The following ABAT variants were observed in gnomAD, a reference collection of about 807,000 sequenced individuals.
ABAT encodes the protein 4-aminobutyrate aminotransferase, also known as 4-aminobutyrate aminotransferase, mitochondrial.
Under a neutral mutation model 64.6 loss-of-function variants are expected in ABAT, and 45 were observed. The ratio of observed to expected loss-of-function variants is 0.70; its 90% CI spans 0.55 to 0.89. The LOEUF is 0.89. ABAT is among the 40% of genes least tolerant of loss of function. The pLI, the probability that ABAT is intolerant of heterozygous loss-of-function variation, is 0.00. For missense variants in ABAT, 633 were observed against 658.4 expected, an observed-to-expected ratio of 0.96 and a Z score of 0.42; for synonymous variants, 297 against 250.5, an observed-to-expected ratio of 1.19 and a Z score of -1.75.
In ABAT at chr16:8,716,186, C is replaced by A. The variant is rs141394752; in HGVS notation, c.-41-19513C>A. 3.3e-3 allele frequency among the ~76,000 whole-genome samples: 503 copies of A among 152,182 alleles called. 4 individuals are homozygous for A. The highest frequency in any genetic ancestry group is 0.012 in the African/African-American group (486 of 41,526). ...AGGCACAGCTAGTTGTAAGCCCAGG[C>A]CACATTATGCCCCCACCCCCTGTTT... On this transcript the variant is annotated intron_variant, in intron 1 of 15. Transcript: ENST00000268251.
intron 1 of ABAT, among the ~76,000 whole-genome samples, chr16:8,687,058 C>G (rs963427970): frequency 3.9e-5 from 6 of 152,102 alleles, no homozygotes; most frequent in Non-Finnish European, 8.8e-5. Flanking sequence ...ATAGGTGAGC[C>G]AGGTTGGGTC....
At chr16:8,755,909 CGTG>C (rs2059636097) in intron 5 of ABAT, among the ~76,000 whole-genome samples, 2 of 152,018 alleles carry the variant, frequency 1.3e-5, no homozygotes, top group South Asian at 4.1e-4. Flanking sequence ...ATTAGCCAGG[CGTG>C]GTGATGGGCG....
intron 1 of ABAT, among the ~76,000 whole-genome samples, chr16:8,717,741 G>A (rs1209297334): frequency 2.0e-5 from 3 of 152,090 alleles, no homozygotes; most frequent in African/African-American, 7.2e-5. Flanking sequence ...TATTTTTGAG[G>A]CAACGTATTG....
chr16:8,748,255 A>G (rs1387745733), intron 4 of ABAT, 118 bp downstream of exon 4: 4 of 981,174 alleles, frequency 4.1e-6, no homozygotes, highest in Non-Finnish European at 4.6e-6. Context: ...CTTTTGTTCT[A>G]AACATTTTTT....
chr16:8,730,396 C>T (rs2058683344), intron 1 of ABAT, among the ~76,000 whole-genome samples: 1 of 152,174 alleles, frequency 6.6e-6, no homozygotes, highest in African/African-American at 2.4e-5. Flanking sequence ...CTGGAACTCG[C>T]CATCCTGGGC....
At chr16:8,768,459 G>A (rs1452246026) in intron 10 of ABAT, among the ~76,000 whole-genome samples, 1 of 152,210 alleles carries the variant, frequency 6.6e-6, no homozygotes, top group Non-Finnish European at 1.5e-5. Context: ...AGGCTATTCA[G>A]TGACAGAGCC....
chr16:8,747,110 C>T (rs1057245827), intron 3 of ABAT, among the ~76,000 whole-genome samples: 7 of 152,146 alleles, frequency 4.6e-5, no homozygotes, highest in Non-Finnish European at 7.3e-5. Flanking sequence ...CGCATGGGTC[C>T]GCCATCACTG....
chr16:8,773,102 CTA>C (rs1555493011), intron 12 of ABAT, among the ~76,000 whole-genome samples, 185 bp downstream of exon 12: 3 of 64,430 alleles, frequency 4.7e-5, no homozygotes, highest in Non-Finnish European at 6.7e-5. Context: ...TTCCCTAAAA[CTA>C]TACACACACA....
At chr16:8,731,957 G>A (rs1302191982) in intron 1 of ABAT, among the ~76,000 whole-genome samples, 1 of 152,042 alleles carries the variant, frequency 6.6e-6, no homozygotes, top group East Asian at 1.9e-4. Flanking sequence ...GAGTTGAAGT[G>A]ATTCTCCTGC....
At chr16:8,765,033 C>T (rs927087649) in intron 8 of ABAT, among the ~76,000 whole-genome samples, 1 of 152,018 alleles carries the variant, frequency 6.6e-6, no homozygotes, top group African/African-American at 2.4e-5. Flanking sequence ...GCTTTGGCAT[C>T]AAAACTATGC....
chr16:8,772,444 A>T (rs560791466), intron 11 of ABAT, among the ~76,000 whole-genome samples: 1 of 152,208 alleles, frequency 6.6e-6, no homozygotes, highest in Non-Finnish European at 1.5e-5. Context: ...ATCAACTCAT[A>T]GTGCTATATT....
chr16:8,763,651 G>A (rs1034410126), intron 6 of ABAT, among the ~76,000 whole-genome samples: 6 of 152,136 alleles, frequency 3.9e-5, no homozygotes, highest in African/African-American at 9.7e-5. Flanking sequence ...CAATCCATCC[G>A]CCTCGGCCTC....
intron 13 of ABAT, among the ~76,000 whole-genome samples, chr16:8,775,729 G>C (rs928941997): frequency 3.5e-4 from 54 of 152,206 alleles, no homozygotes; most frequent in Admixed American, 6.5e-4. Context: ...GAAGGACAAA[G>C]TGGCCCCCTT....
At chr16:8,750,884 G>A (rs2059460784) in intron 5 of ABAT, among the ~76,000 whole-genome samples, 1 of 151,564 alleles carries the variant, frequency 6.6e-6, no homozygotes, top group Non-Finnish European at 1.5e-5. Flanking sequence ...ACCCAGGTAG[G>A]TGTCTTAGGT....
At chr16:8,740,222 C>T (rs189069856) in intron 2 of ABAT, among the ~76,000 whole-genome samples, 52 of 152,168 alleles carry the variant, frequency 3.4e-4, no homozygotes, top group South Asian at 1.2e-3. Flanking sequence ...GATTATCTGC[C>T]GCCACGTAAC....
chr16:8,739,489 G>T (rs992092130), intron 2 of ABAT, among the ~76,000 whole-genome samples: 1 of 152,032 alleles, frequency 6.6e-6, no homozygotes, highest in African/African-American at 2.4e-5. Flanking sequence ...AGGCTGAGGC[G>T]GGTGGATCAC....
At chr16:8,761,796 C>T (rs1336742730) in intron 6 of ABAT, among the ~76,000 whole-genome samples, 2 of 152,124 alleles carry the variant, frequency 1.3e-5, no homozygotes, top group African/African-American at 4.8e-5. Flanking sequence ...AGGGCAGGTT[C>T]CTGCCAGGTC....
intron 1 of ABAT, among the ~76,000 whole-genome samples, chr16:8,685,381 C>T (rs1345283374): frequency 1.3e-5 from 2 of 151,368 alleles, no homozygotes; most frequent in Non-Finnish European, 2.9e-5. Flanking sequence ...TCTATAAAAA[C>T]AATGTTACGC....
At chr16:8,775,197 A>G (rs1430461155) in intron 13 of ABAT, 140 bp downstream of exon 13, 5 of 1,104,440 alleles carry the variant, frequency 4.5e-6, no homozygotes, top group East Asian at 5.1e-5. Context: ...GTTCTTATCA[A>G]TGCAATTAGC....
Sources: gnomAD v4.1 joint callset for allele counts (sites outside exome capture counted in the v4.1 genomes callset) on GRCh38, gnomAD v4.1.1 for gene constraint, MANE v1.5 for transcripts, NCBI Gene and HGNC (gene_info 2026-07-23, HGNC 2026-07-21) for gene names.